Variants in DRC8 observed in about 807,000 individuals in gnomAD.
The protein encoded by DRC8 is dynein regulatory complex subunit 8, also known as dynein regulatory complex protein 8.
the DRC8 span, among the ~76,000 whole-genome samples, chr1:245,080,269 A>C: frequency 6.6e-6 from 1 of 152,174 alleles, no homozygotes; most frequent in African/African-American, 2.4e-5. Flanking sequence ...ATAGCCCGAC[A>C]TGAAAGTTAA....
At chr1:244,997,462 A>G in the DRC8 span, among the ~76,000 whole-genome samples, 1 of 150,934 alleles carries the variant, frequency 6.6e-6, no homozygotes, top group African/African-American at 2.4e-5. Context: ...TCTACTTCCA[A>G]TTCCAAATCA....
the DRC8 span, among the ~76,000 whole-genome samples, chr1:244,982,963 G>T: frequency 6.6e-6 from 1 of 151,992 alleles, no homozygotes; most frequent in Non-Finnish European, 1.5e-5. Context: ...TTAGCTACTT[G>T]GGAGCCTGAG....
At chr1:245,030,602 TA>T in the DRC8 span, 1 of 152,244 alleles carries the variant, frequency 6.6e-6, no homozygotes, top group Non-Finnish European at 1.5e-5. Context: ...CATCACCTGG[TA>T]ATCTAACATG....
the DRC8 span, among the ~76,000 whole-genome samples, chr1:245,040,226 C>G: frequency 6.6e-6 from 1 of 152,190 alleles, no homozygotes; most frequent in Non-Finnish European, 1.5e-5. Flanking sequence ...TTACTTAGGC[C>G]TTTCCCAACA....
chr1:245,064,230 C>G, the DRC8 span, among the ~76,000 whole-genome samples: 1 of 152,142 alleles, frequency 6.6e-6, no homozygotes, highest in Non-Finnish European at 1.5e-5. Flanking sequence ...CATAAAACTA[C>G]TTAGGAATGA....
chr1:244,970,006 A>G, the DRC8 span: 1 of 548,004 alleles, frequency 1.8e-6, no homozygotes, highest in East Asian at 3.5e-5. Context: ...AAATCGAGCA[A>G]CGCCACGTCG....
At chr1:245,090,748 T>C in the DRC8 span, among the ~76,000 whole-genome samples, 1 of 151,924 alleles carries the variant, frequency 6.6e-6, no homozygotes, top group Non-Finnish European at 1.5e-5. Flanking sequence ...GTCCTACTCA[T>C]GGCCTAGAGA....
chr1:244,979,430 C>G, the DRC8 span, among the ~76,000 whole-genome samples: 1 of 149,892 alleles, frequency 6.7e-6, no homozygotes, highest in African/African-American at 2.4e-5. Flanking sequence ...CTCAGCCTCC[C>G]AAGTAGCTGG....
chr1:244,977,275 G>A, the DRC8 span, among the ~76,000 whole-genome samples: 2 of 152,136 alleles, frequency 1.3e-5, no homozygotes, highest in Non-Finnish European at 2.9e-5. Flanking sequence ...AATACAGTAA[G>A]TTTTACATTA....
the DRC8 span, among the ~76,000 whole-genome samples, chr1:245,032,474 A>G: frequency 1.3e-5 from 2 of 152,172 alleles, no homozygotes; most frequent in African/African-American, 2.4e-5. Flanking sequence ...AAAACTACTG[A>G]GTACATTTTG....
chr1:245,073,171 T>C, the DRC8 span, among the ~76,000 whole-genome samples: 1 of 152,222 alleles, frequency 6.6e-6, no homozygotes, highest in Non-Finnish European at 1.5e-5. Flanking sequence ...AGTCTCACTC[T>C]GTTGCCCAGG....
the DRC8 span, among the ~76,000 whole-genome samples, chr1:245,063,264 C>T: frequency 1.6e-3 from 240 of 152,206 alleles, no homozygotes; most frequent in African/African-American, 5.2e-3. Context: ...CAAGGGTGCC[C>T]CATCTCCTAG....
chr1:245,099,798 G>A, the DRC8 span, among the ~76,000 whole-genome samples: 1 of 144,392 alleles, frequency 6.9e-6, no homozygotes, highest in Non-Finnish European at 1.5e-5. Flanking sequence ...GCCAGGCAGA[G>A]AGGAATCTCC....
the DRC8 span, chr1:245,059,285 T>A: frequency 1.3e-6 from 1 of 767,100 alleles, no homozygotes; most frequent in Non-Finnish European, 2.2e-6. Flanking sequence ...TCGGAGTGAT[T>A]TGGTTTCCTA....
the DRC8 span, among the ~76,000 whole-genome samples, chr1:245,038,249 T>C: frequency 6.6e-6 from 1 of 152,156 alleles, no homozygotes. Flanking sequence ...GGCAAGCAGA[T>C]CACGAGGTCA....
the DRC8 span, among the ~76,000 whole-genome samples, chr1:245,084,105 C>A: frequency 9.0e-6 from 1 of 110,886 alleles, no homozygotes; most frequent in African/African-American, 3.4e-5. Flanking sequence ...TGAGACGGAT[C>A]CGGTCTTGCT....
chr1:245,006,552 A>G, the DRC8 span, among the ~76,000 whole-genome samples: 2 of 152,060 alleles, frequency 1.3e-5, no homozygotes, highest in Non-Finnish European at 2.9e-5. Context: ...TGATCCACCC[A>G]CCTAGGCCTC....
chr1:245,061,956 A>C, the DRC8 span, among the ~76,000 whole-genome samples: 1 of 152,076 alleles, frequency 6.6e-6, no homozygotes, highest in East Asian at 1.9e-4. Context: ...AAATAGAAAA[A>C]ATAGCTGGGT....
At chr1:244,990,641 G>A in the DRC8 span, among the ~76,000 whole-genome samples, 1 of 152,106 alleles carries the variant, frequency 6.6e-6, no homozygotes, top group Non-Finnish European at 1.5e-5. Flanking sequence ...CCCCATCAAG[G>A]TGTGGTGTTT....
Sources: allele counts gnomAD v4.1 joint callset (sites outside exome capture counted in the v4.1 genomes callset), GRCh38; gene constraint gnomAD v4.1.1; transcripts MANE v1.5; gene names NCBI Gene and HGNC (gene_info 2026-07-23, HGNC 2026-07-21).